KIAA1328: variants seen among roughly 807,000 people sequenced by gnomAD.
The protein encoded by KIAA1328 is protein hinderin.
KIAA1328 carries 52 observed loss-of-function variants against 68.1 expected under a neutral mutation model. That is an observed-to-expected ratio of 0.76 (90% CI 0.61 to 0.96). The LOEUF (loss-of-function observed/expected upper bound fraction) is 0.96. KIAA1328 is among the 40% of genes least tolerant of loss of function. KIAA1328 has a pLI of 0.00. For synonymous variants in KIAA1328, 232 were observed against 239.4 expected (o/e 0.97, Z 0.28); for missense variants, 641 against 677.6 (o/e 0.95, Z 0.60).
intron 7 of KIAA1328, among the ~76,000 whole-genome samples, chr18:37,105,215 C>T (rs1464131405): frequency 6.6e-6 from 1 of 152,030 alleles, no homozygotes; most frequent in Non-Finnish European, 1.5e-5. Context: ...AGTAAGAGTA[C>T]GACTAGGCGT....
chr18:37,173,119 C>A, intron 9 of KIAA1328, 38 bp downstream of exon 9: 1 of 1,412,256 alleles, frequency 7.1e-7, no homozygotes, highest in Non-Finnish European at 9.8e-7. Flanking sequence ...AATATTCTCC[C>A]TATGAGAGCA....
intron 5 of KIAA1328, among the ~76,000 whole-genome samples, chr18:36,890,981 C>G (rs2048667115): frequency 6.6e-6 from 1 of 152,042 alleles, no homozygotes; most frequent in South Asian, 2.1e-4. Context: ...AGGTCTCTAT[C>G]AAAACATGGT....
rs1028472874 is a variant in KIAA1328, at chr18:37,101,348, G to T, written c.1232+33803G>T. Among the ~76,000 whole-genome samples the T allele has an allele frequency of 8.7e-4, 132 of 152,296 alleles. 2 individuals are homozygous for T. Among genetic ancestry groups the T allele is most frequent in the African/African-American group, 3.1e-3 (129 of 41,574 alleles). ...GGACCTGATGGAGCTGAAAACCATG[G>T]CACGAGAACTACATGATGAATGCAC... On this transcript the variant is annotated intron_variant, in intron 7 of 9. Transcript: ENST00000280020.
chr18:36,912,888 T>C (rs1426734291), intron 5 of KIAA1328, among the ~76,000 whole-genome samples: 5 of 152,156 alleles, frequency 3.3e-5, no homozygotes, highest in Non-Finnish European at 7.4e-5. Flanking sequence ...GGGGCAACGA[T>C]GGGATAGCAA....
intron 5 of KIAA1328, among the ~76,000 whole-genome samples, chr18:36,941,012 G>T (rs2050691206): frequency 1.3e-5 from 2 of 152,050 alleles, no homozygotes; most frequent in Admixed American, 1.3e-4. Context: ...GACCAATTCA[G>T]ATTTTGAATG....
At chr18:37,153,461 G>A (rs2059082134) in intron 7 of KIAA1328, among the ~76,000 whole-genome samples, 2 of 151,910 alleles carry the variant, frequency 1.3e-5, no homozygotes, top group Admixed American at 1.3e-4. Context: ...AATGAACCCT[G>A]TTGGTTTAGA....
chr18:36,876,580 T>C (rs1198282297), intron 4 of KIAA1328, among the ~76,000 whole-genome samples: 1 of 152,202 alleles, frequency 6.6e-6, no homozygotes, highest in African/African-American at 2.4e-5. Flanking sequence ...TCTTTATTAG[T>C]CTGGCTAGCA....
intron 8 of KIAA1328, among the ~76,000 whole-genome samples, chr18:37,164,583 A>G (rs1417071236): frequency 6.6e-6 from 1 of 152,026 alleles, no homozygotes; most frequent in African/African-American, 2.4e-5. Context: ...TGTCTCTACT[A>G]AAAATAGAAA....
At chr18:36,862,302 T>C (rs978411562) in intron 4 of KIAA1328, among the ~76,000 whole-genome samples, 1 of 152,192 alleles carries the variant, frequency 6.6e-6, no homozygotes, top group Non-Finnish European at 1.5e-5. Context: ...AGTCAAGATA[T>C]GAAACAGTTT....
intron 6 of KIAA1328, among the ~76,000 whole-genome samples, chr18:37,050,168 GTGC>G (rs745589191): frequency 3.3e-5 from 5 of 152,020 alleles, no homozygotes; most frequent in Non-Finnish European, 7.4e-5. Context: ...GTCCCTGGGA[GTGC>G]TGCTTGGTAG....
At chr18:37,107,561 T>C (rs1398246359) in intron 7 of KIAA1328, among the ~76,000 whole-genome samples, 2 of 152,220 alleles carry the variant, frequency 1.3e-5, no homozygotes, top group African/African-American at 4.8e-5. Flanking sequence ...TTCTTGTAGA[T>C]ATCTTTCACC....
intron 7 of KIAA1328, among the ~76,000 whole-genome samples, chr18:37,124,960 T>C (rs2058357382): frequency 6.6e-6 from 1 of 152,200 alleles, no homozygotes; most frequent in Non-Finnish European, 1.5e-5. Flanking sequence ...TGTTAAAATA[T>C]ATTTTGTAAA....
chr18:36,914,580 C>T (rs11660434), intron 5 of KIAA1328, among the ~76,000 whole-genome samples: 20,682 of 151,898 alleles, frequency 0.14, 1,751 homozygotes, highest in Admixed American at 0.18. Context: ...ATTAGCCAGG[C>T]GCAGTGGCGG....
chr18:37,195,553 C>T (rs1201555825), intron 9 of KIAA1328, among the ~76,000 whole-genome samples: 1 of 152,148 alleles, frequency 6.6e-6, no homozygotes, highest in Non-Finnish European at 1.5e-5. Flanking sequence ...ATTAAAGAGA[C>T]TGTCCTTTCC....
intron 5 of KIAA1328, among the ~76,000 whole-genome samples, chr18:36,949,662 A>C (rs142269153): frequency 7.7e-6 from 1 of 130,542 alleles, no homozygotes; most frequent in Admixed American, 9.5e-5. Flanking sequence ...GACTTAGATA[A>C]CTCTAAAGGA....
chr18:37,060,071 T>C (rs2056087850), intron 6 of KIAA1328, among the ~76,000 whole-genome samples: 1 of 152,078 alleles, frequency 6.6e-6, no homozygotes, highest in South Asian at 2.1e-4. Flanking sequence ...GATGGGTTGA[T>C]GGGTGCAGCA....
At chr18:37,173,767 C>T (rs148374545) in intron 9 of KIAA1328, among the ~76,000 whole-genome samples, 1 of 152,254 alleles carries the variant, frequency 6.6e-6, no homozygotes, top group East Asian at 1.9e-4. Flanking sequence ...AGTAGAAATG[C>T]CCAAATTACA....
chr18:36,966,506 A>G (rs1050990188), intron 6 of KIAA1328, among the ~76,000 whole-genome samples: 1 of 152,192 alleles, frequency 6.6e-6, no homozygotes, highest in African/African-American at 2.4e-5. Flanking sequence ...TGAATTTTCC[A>G]TATACTGGAA....
intron 6 of KIAA1328, among the ~76,000 whole-genome samples, chr18:37,009,750 C>T (rs550479980): frequency 1.3e-5 from 2 of 152,222 alleles, no homozygotes; most frequent in South Asian, 4.1e-4. Flanking sequence ...GATGGATAGT[C>T]TGTGTCTGAG....
Sources: allele counts gnomAD v4.1 joint callset (sites outside exome capture counted in the v4.1 genomes callset), GRCh38; gene constraint gnomAD v4.1.1; transcripts MANE v1.5; gene names NCBI Gene and HGNC (gene_info 2026-07-23, HGNC 2026-07-21).